The following KIAA0319 variants were observed in gnomAD, a reference collection of about 807,000 sequenced individuals.
KIAA0319 encodes the protein KIAA0319, also known as dyslexia-associated protein KIAA0319.
KIAA0319 carries 83 observed loss-of-function variants against 108.4 expected under a neutral mutation model. The observed-to-expected ratio is 0.77, with a 90% CI of 0.64 to 0.92. The LOEUF (loss-of-function observed/expected upper bound fraction) is 0.92, where lower values mean the gene tolerates loss of function less well. KIAA0319 is among the 40% of genes least tolerant of loss of function. The probability of loss-of-function intolerance (pLI) is 0.00; values close to 1 mark genes in which losing one functional copy is unlikely to be tolerated. For missense variants in KIAA0319, 1,195 were observed against 1,322.4 expected (o/e 0.90, Z 1.49); for synonymous variants, 484 against 510.4 (o/e 0.95, Z 0.70).
downstream of KIAA0319, among the ~76,000 whole-genome samples, chr6:24,543,344 T>C (rs1760278641): frequency 6.6e-6 from 1 of 152,256 alleles, no homozygotes; most frequent in African/African-American, 2.4e-5. Context: ...AGCTTGATTG[T>C]GGTCATGGTT....
intron 1 of KIAA0319, among the ~76,000 whole-genome samples, chr6:24,601,647 G>T (rs1770639145): frequency 6.6e-6 from 1 of 152,122 alleles, no homozygotes; most frequent in African/African-American, 2.4e-5. Flanking sequence ...CTAGAAGTGG[G>T]GCATCCTACG....
At chr6:24,541,583 A>T (rs1270943480), downstream of KIAA0319, among the ~76,000 whole-genome samples, 1 of 152,252 alleles carries the variant, frequency 6.6e-6, no homozygotes, top group Non-Finnish European at 1.5e-5. Flanking sequence ...GGATCATTTG[A>T]GGTCAGCAGT....
downstream of KIAA0319, among the ~76,000 whole-genome samples, chr6:24,543,192 C>A (rs1243908764): frequency 1.3e-5 from 2 of 152,140 alleles, no homozygotes; most frequent in Non-Finnish European, 2.9e-5. Flanking sequence ...GGAACTACTA[C>A]CTGTTTGAGG....
At chr6:24,565,404 G>A in intron 14 of KIAA0319, among the ~76,000 whole-genome samples, 1 of 152,116 alleles carries the variant, frequency 6.6e-6, no homozygotes, top group South Asian at 2.1e-4. Context: ...GTGATCTAAT[G>A]GGGGTAAAAT....
chr6:24,590,382 TC>T (rs1421315511), intron 3 of KIAA0319, among the ~76,000 whole-genome samples: 1 of 151,854 alleles, frequency 6.6e-6, no homozygotes, highest in Non-Finnish European at 1.5e-5. Flanking sequence ...ATTTTAAAAA[TC>T]AGGTAGTGGG....
intron 18 of KIAA0319, among the ~76,000 whole-genome samples, chr6:24,555,190 T>A (rs551395902): frequency 7.9e-5 from 12 of 152,272 alleles, no homozygotes; most frequent in Admixed American, 2.0e-4. Flanking sequence ...TTAAATCTAC[T>A]AGGGAGCAAA....
At chr6:24,595,210 T>G (rs1042673126) in intron 3 of KIAA0319, among the ~76,000 whole-genome samples, 1 of 152,140 alleles carries the variant, frequency 6.6e-6, no homozygotes, top group African/African-American at 2.4e-5. Flanking sequence ...TGGGTGTATG[T>G]GCTGGCCCCA....
chr6:24,582,445 A>T, intron 5 of KIAA0319, 99 bp from the exon 6 acceptor site: 1 of 624,398 alleles, frequency 1.6e-6, no homozygotes, highest in South Asian at 2.0e-5. Flanking sequence ...ACCAGTGCAG[A>T]TTACCTTAGA....
At chr6:24,628,536 T>C (rs1029379279) in intron 1 of KIAA0319, among the ~76,000 whole-genome samples, 32 of 152,244 alleles carry the variant, frequency 2.1e-4, no homozygotes, top group South Asian at 2.1e-3. Flanking sequence ...TTCTTTTTTT[T>C]TTTTAATACA....
chr6:24,582,167 G>A, intron 6 of KIAA0319, 82 bp downstream of exon 6: 1 of 807,162 alleles, frequency 1.2e-6, no homozygotes, highest in Middle Eastern at 2.3e-4. Context: ...AAGACGTTTG[G>A]GTTCAGTAGC....
At chr6:24,602,657 T>C (rs900644404) in intron 1 of KIAA0319, among the ~76,000 whole-genome samples, 10 of 151,946 alleles carry the variant, frequency 6.6e-5, no homozygotes, top group Admixed American at 6.6e-4. Flanking sequence ...AAAAATTAGC[T>C]GGGCGTGGTG....
At position 24,559,330 on chromosome 6, in the gene KIAA0319, C is replaced by A. The variant is rs115648700; in HGVS notation, c.2592-175G>T. On this transcript the variant is annotated intron_variant, in intron 16 of 20. Coordinates refer to ENST00000378214, the MANE Select transcript of KIAA0319 (RefSeq NM_014809.4). Reference sequence around the variant, plus strand: ...GGAATTGATGTTTCTATTCACAAAGCCTCTTCAGTCTCAACGTACAGCTGA... The same window carrying A: ...GGAATTGATGTTTCTATTCACAAAGACTCTTCAGTCTCAACGTACAGCTGA... Among the ~76,000 whole-genome samples the A allele has an allele frequency of 3.3e-3, 504 of 152,306 alleles. 2 individuals are homozygous for A. Among genetic ancestry groups the A allele is most frequent in the African/African-American group, 0.011 (471 of 41,560 alleles).
intron 1 of KIAA0319, among the ~76,000 whole-genome samples, chr6:24,638,089 G>C (rs1181017698): frequency 1.3e-5 from 2 of 152,126 alleles, no homozygotes; most frequent in Admixed American, 6.5e-5. Context: ...ATATAAAGGA[G>C]AGGTGGCAGA....
At chr6:24,567,312 G>A (rs925962260) in intron 13 of KIAA0319, among the ~76,000 whole-genome samples, 3 of 151,934 alleles carry the variant, frequency 2.0e-5, no homozygotes, top group African/African-American at 7.3e-5. Flanking sequence ...GACCAGCCGG[G>A]GCAACACAAC....
intron 1 of KIAA0319, among the ~76,000 whole-genome samples, chr6:24,605,037 C>T (rs539613202): frequency 7.7e-4 from 117 of 151,274 alleles, no homozygotes; most frequent in African/African-American, 2.2e-3. Flanking sequence ...GATGGGGTTT[C>T]ACCATGTTGG....
downstream of KIAA0319, among the ~76,000 whole-genome samples, chr6:24,543,102 T>G (rs1468249463): frequency 6.6e-6 from 1 of 152,190 alleles, no homozygotes. Flanking sequence ...GGCAATAAAG[T>G]CTCTTTCCTT....
At position 24,599,430 on chromosome 6, in the gene KIAA0319, C is replaced by A. The variant is rs576085937; in HGVS notation, c.55+1619G>T. 36 of 551,672 alleles carry A rather than the reference C, an allele frequency of 6.5e-5. No homozygotes were observed. The highest frequency in any genetic ancestry group is 4.7e-4 in the South Asian group (30 of 64,018). The allele number at this position is 551,672 out of a possible 1,614,324, so 34.2% of individuals were successfully genotyped here. A position where few individuals can be genotyped will look rare whatever the true frequency, so the allele number is the denominator to read the frequency against. ...CAAGCTGTCCAAGCTGGAGGCCACCCTGCAGTGGGCCATGCAGGACATGGC... is the reference window on the plus strand; with the variant it reads ...CAAGCTGTCCAAGCTGGAGGCCACCATGCAGTGGGCCATGCAGGACATGGC... On this transcript the variant is annotated intron_variant, in intron 2 of 20. Transcript: ENST00000378214. The surrounding 1 kb of genome is among the most constrained non-coding windows in gnomAD (Gnocchi z 4.1).
chr6:24,634,324 A>T (rs1294320554), intron 1 of KIAA0319, among the ~76,000 whole-genome samples: 2 of 152,174 alleles, frequency 1.3e-5, no homozygotes, highest in Admixed American at 6.5e-5. Flanking sequence ...GAGTTCTACA[A>T]CATGTCTTAT....
At chr6:24,565,752 CAAAAAAAAAAAAA>C (rs71542686) in intron 14 of KIAA0319, among the ~76,000 whole-genome samples, 4 of 62,716 alleles carry the variant, frequency 6.4e-5, no homozygotes, top group African/African-American at 2.3e-4. Flanking sequence ...GACTCCATCT[CAAAAAAAAAAAAA>C]AAAAAAAAAG....
Sources: gnomAD v4.1 joint callset for allele counts (sites outside exome capture counted in the v4.1 genomes callset) on GRCh38, gnomAD v4.1.1 for gene constraint, Gnocchi (gnomAD v3.1) non-coding constraint, MANE v1.5 for transcripts, NCBI Gene and HGNC (gene_info 2026-07-23, HGNC 2026-07-21) for gene names.